The following PPP3CA variants were observed in gnomAD, a reference collection of about 807,000 sequenced individuals.
PPP3CA encodes the protein protein phosphatase 3 catalytic subunit alpha.
PPP3CA carries 14 observed loss-of-function variants against 66.5 expected under a neutral mutation model. The ratio of observed to expected loss-of-function variants is 0.21; its 90% CI spans 0.14 to 0.33. PPP3CA has a LOEUF of 0.33. PPP3CA is among the 10% of genes least tolerant of loss of function. The pLI is 1.00. For missense variants in PPP3CA, 317 were observed against 639.5 expected (o/e 0.50, Z 5.44); for synonymous variants, 232 against 226.2 (o/e 1.03, Z -0.23).
chr4:101,038,345 T>C (rs978861740), intron 11 of PPP3CA, among the ~76,000 whole-genome samples: 1 of 152,082 alleles, frequency 6.6e-6, no homozygotes, highest in Non-Finnish European at 1.5e-5. Flanking sequence ...TATCTATTCA[T>C]GTAGTTATTT....
At chr4:101,211,212 C>T (rs1436370949) in intron 1 of PPP3CA, among the ~76,000 whole-genome samples, 1 of 152,126 alleles carries the variant, frequency 6.6e-6, no homozygotes, top group Non-Finnish European at 1.5e-5. Flanking sequence ...GTGCTTTTAA[C>T]CCTTGCTATC....
chr4:101,075,501 CCAA>C (rs1729147651), intron 8 of PPP3CA, among the ~76,000 whole-genome samples: 1 of 152,208 alleles, frequency 6.6e-6, no homozygotes, highest in Non-Finnish European at 1.5e-5. Flanking sequence ...ACCCGTCCAT[CCAA>C]CAACTCATCT....
intron 2 of PPP3CA, among the ~76,000 whole-genome samples, chr4:101,193,752 G>A (rs1233026824): frequency 6.6e-6 from 1 of 151,694 alleles, no homozygotes; most frequent in East Asian, 1.9e-4. Flanking sequence ...ATTGTCTTAT[G>A]AACACTTGAA....
At chr4:101,230,632 C>T (rs1414972798) in intron 1 of PPP3CA, among the ~76,000 whole-genome samples, 1 of 151,662 alleles carries the variant, frequency 6.6e-6, no homozygotes, top group Non-Finnish European at 1.5e-5. Flanking sequence ...AACTTACCCA[C>T]TCCATCCTTT....
At chr4:101,200,022 AG>A (rs3840150) in intron 1 of PPP3CA, among the ~76,000 whole-genome samples, 36,507 of 152,040 alleles carry the variant, frequency 0.24, 6,805 homozygotes, top group African/African-American at 0.5. Flanking sequence ...AGAAAGATCC[AG>A]GGATCACTTT....
Position 101,025,722 on chromosome 4 carries a change from C to T in PPP3CA, c.*143G>A, listed in dbSNP as rs1726604442. On this transcript the variant is annotated 3_prime_UTR_variant, in exon 14 of 14. Coordinates refer to ENST00000394854, the MANE Select transcript of PPP3CA (RefSeq NM_000944.5). ...CCCTCTTTTTTAATGATAGTGTAAA[C>T]TGAATCCAATTCCTGGCCCCCAGAG... 2 of 609,378 alleles carry T rather than the reference C, an allele frequency of 3.3e-6. No homozygotes were observed. The highest frequency in any genetic ancestry group is 2.7e-6 in the Non-Finnish European group (1 of 377,030). 37.7% of individuals were successfully genotyped at this position (609,378 alleles called of 1,614,324 possible).
chr4:101,288,665 T>C (rs1222862388), intron 1 of PPP3CA, among the ~76,000 whole-genome samples: 2 of 151,850 alleles, frequency 1.3e-5, no homozygotes, highest in Non-Finnish European at 2.9e-5. Context: ...AAATAAAGTT[T>C]AGCATGCTAG....
At chr4:101,337,777 C>A (rs1428776228) in intron 1 of PPP3CA, among the ~76,000 whole-genome samples, 1 of 152,138 alleles carries the variant, frequency 6.6e-6, no homozygotes, top group Admixed American at 6.6e-5. Context: ...GCAGCTTTAG[C>A]GGTCTTCTGT....
chr4:101,343,222 A>T (rs1729872234), intron 1 of PPP3CA, among the ~76,000 whole-genome samples: 1 of 152,196 alleles, frequency 6.6e-6, no homozygotes. Flanking sequence ...ATGGGAACAG[A>T]GGGAAGGTAG....
rs150557608 is a variant in PPP3CA, at chr4:101,335,975, T to A, written c.58+10764A>T. 1.4e-4 allele frequency among the ~76,000 whole-genome samples: 20 copies of A among 146,670 alleles called. 1 individual carries two copies. The highest frequency in any genetic ancestry group is 5.1e-4 in the African/African-American group (20 of 39,530). On this transcript the variant is annotated intron_variant, in intron 1 of 13. Coordinates refer to ENST00000394854, the MANE Select transcript of PPP3CA (RefSeq NM_000944.5). ...ATCCCAGCACTTTGGGAGGCCGAGG[T>A]GGGTGGATCACCTGAGGTCAGGAGT...
At chr4:101,070,006 G>T (rs1024485627) in intron 8 of PPP3CA, among the ~76,000 whole-genome samples, 4 of 152,146 alleles carry the variant, frequency 2.6e-5, no homozygotes, top group African/African-American at 9.7e-5. Context: ...TCTGATTGCA[G>T]TGGGGGTTGG....
chr4:101,109,764 C>T (rs1273103209), intron 2 of PPP3CA, among the ~76,000 whole-genome samples: 1 of 149,370 alleles, frequency 6.7e-6, no homozygotes, highest in Non-Finnish European at 1.5e-5. Context: ...ACACATAATA[C>T]AAAAAAAATT....
intron 13 of PPP3CA, among the ~76,000 whole-genome samples, chr4:101,028,405 G>C (rs1364122972): frequency 1.3e-5 from 2 of 152,168 alleles, no homozygotes; most frequent in African/African-American, 4.8e-5. Flanking sequence ...AGCAGTGCTA[G>C]AACACAGCTG....
At chr4:101,084,424 T>G (rs761369869) in intron 6 of PPP3CA, among the ~76,000 whole-genome samples, 2 of 152,096 alleles carry the variant, frequency 1.3e-5, no homozygotes, top group Non-Finnish European at 2.9e-5. Context: ...GCAGATCACC[T>G]GAGGTCAGGA....
intron 8 of PPP3CA, among the ~76,000 whole-genome samples, chr4:101,074,788 A>T (rs1729108735): frequency 6.6e-6 from 1 of 152,216 alleles, no homozygotes; most frequent in African/African-American, 2.4e-5. Flanking sequence ...TATGAGTCCA[A>T]AACATCATAT....
At chr4:101,146,732 C>G (rs1018877060) in intron 2 of PPP3CA, among the ~76,000 whole-genome samples, 1 of 152,108 alleles carries the variant, frequency 6.6e-6, no homozygotes, top group South Asian at 2.1e-4. Context: ...TGAGCCACCA[C>G]GCCTGGCCAA....
At chr4:101,163,432 G>T (rs944448043) in intron 2 of PPP3CA, among the ~76,000 whole-genome samples, 3 of 152,154 alleles carry the variant, frequency 2.0e-5, no homozygotes, top group African/African-American at 7.2e-5. Flanking sequence ...ACAAGTCAAA[G>T]TTGTGGTATT....
At chr4:101,035,666 C>T (rs1727210106) in intron 11 of PPP3CA, among the ~76,000 whole-genome samples, 1 of 152,098 alleles carries the variant, frequency 6.6e-6, no homozygotes, top group African/African-American at 2.4e-5. Context: ...TCCTTCCTTG[C>T]TCTTTTTTTC....
chr4:101,203,090 G>A (rs1461167884), intron 1 of PPP3CA, among the ~76,000 whole-genome samples: 2 of 152,148 alleles, frequency 1.3e-5, no homozygotes, highest in African/African-American at 4.8e-5. Flanking sequence ...ATTGAAATAA[G>A]CATTCTTCTT....
Sources: gnomAD v4.1 joint callset for allele counts (sites outside exome capture counted in the v4.1 genomes callset) on GRCh38, gnomAD v4.1.1 for gene constraint, MANE v1.5 for transcripts, NCBI Gene and HGNC (gene_info 2026-07-23, HGNC 2026-07-21) for gene names.